WBP2NL: variants seen among roughly 807,000 people sequenced by gnomAD.
The protein encoded by WBP2NL is WBP2 N-terminal like, also known as postacrosomal sheath WW domain-binding protein.
In WBP2NL, 27 loss-of-function variants were observed where a neutral mutation model predicts 23.3. That is an observed-to-expected ratio of 1.16 (90% CI 0.85 to 1.60). The LOEUF (loss-of-function observed/expected upper bound fraction) is 1.60, where lower values mean the gene tolerates loss of function less well. WBP2NL is among the 40% of genes most tolerant of loss of function. WBP2NL has a pLI of 0.00. For missense variants in WBP2NL, 370 were observed against 389.5 expected, an observed-to-expected ratio of 0.95 and a Z score of 0.42; for synonymous variants, 151 against 145.9, an observed-to-expected ratio of 1.03 and a Z score of -0.25.
Position 42,019,437 on chromosome 22 carries a change from T to G in WBP2NL, c.171+18T>G. 6.2e-7 allele frequency: 1 copy of G among 1,602,568 alleles called. No individual in the cohort carries two copies. Among genetic ancestry groups the G allele is most frequent in the Non-Finnish European group, 8.5e-7 (1 of 1,172,218 alleles). On this transcript the variant is annotated intron_variant, in intron 2 of 5. Transcript: ENST00000328823. ...CATACCGGGTAATTTCTACTTCTAC[T>G]TTAATCTGCTGATTAACTCTACATT...
Position 42,021,707 on chromosome 22 carries a change from T to G in WBP2NL, c.407-542T>G, listed in dbSNP as rs532065201. Among the ~76,000 whole-genome samples the G allele has an allele frequency of 7.2e-5, 11 of 152,204 alleles. No homozygotes were observed. In the East Asian group the frequency reaches 2.1e-3, roughly 29 times the overall value. On this transcript the variant is annotated intron_variant, in intron 4 of 5. Transcript: ENST00000328823. ...ATTAGGTGCTATGCTAGGCCTGGAA[T>G]AAGCACAGGCAAATGAGATACAATC...
chr22:42,013,364 C>G (rs1344732839), intron 1 of WBP2NL, among the ~76,000 whole-genome samples: 2 of 119,004 alleles, frequency 1.7e-5, no homozygotes, highest in African/African-American at 3.2e-5. Flanking sequence ...CTAGCCTGGG[C>G]AACAAAAGTG....
intron 1 of WBP2NL, chr22:42,001,013 A>C (rs747583428): frequency 9.0e-5 from 55 of 612,906 alleles, no homozygotes; most frequent in Non-Finnish European, 1.5e-4. Flanking sequence ...AATGCTCAAG[A>C]TATGTCATAT....
chr22:42,016,370 A>G (rs989230414), intron 1 of WBP2NL, among the ~76,000 whole-genome samples: 2 of 152,204 alleles, frequency 1.3e-5, no homozygotes, highest in Admixed American at 6.5e-5. Context: ...CGGTCCTTCA[A>G]GGAGCCACCA....
intron 5 of WBP2NL, among the ~76,000 whole-genome samples, chr22:42,023,211 G>A (rs531814950): frequency 4.0e-4 from 61 of 150,630 alleles, no homozygotes; most frequent in South Asian, 8.3e-4. Context: ...TGGAGACAGA[G>A]TCTCACTTTG....
rs757263994 is a variant in WBP2NL at position 42,053,556 on chromosome 22, T to C, written c.*274-4734T>C. ...CTCACCACAACCTCCACCTCCCAGG[T>C]TCAAGCAGTTCTCCTGCCTCAGCCT... On this transcript the variant is annotated intron_variant and NMD_transcript_variant, in intron 8 of 8. Coordinates refer to the WBP2NL transcript ENST00000436265. 2.0e-5 allele frequency among the ~76,000 whole-genome samples: 3 copies of C among 151,766 alleles called. No homozygotes were observed. The East Asian group carries it at 5.8e-4, about 29-fold the overall frequency.
intron 1 of WBP2NL, chr22:42,002,029 G>C (rs1455134185): frequency 5.3e-6 from 3 of 570,504 alleles, no homozygotes; most frequent in Non-Finnish European, 5.6e-6. Flanking sequence ...TTGACTCCGG[G>C]GCTGATTGTG....
chr22:42,006,395 T>A (rs2413663), intron 1 of WBP2NL, among the ~76,000 whole-genome samples: 44,270 of 151,974 alleles, frequency 0.29, 6,943 homozygotes, highest in Admixed American at 0.37. Context: ...TAATTTTTTG[T>A]ATTTTTAGTA....
intron 1 of WBP2NL, among the ~76,000 whole-genome samples, chr22:42,005,263 C>T (rs1178178067): frequency 2.6e-5 from 4 of 151,990 alleles, no homozygotes; most frequent in Non-Finnish European, 5.9e-5. Flanking sequence ...CCTGTAATCC[C>T]AGCACTTTGG....
chr22:42,012,583 G>T (rs542964598), intron 1 of WBP2NL, among the ~76,000 whole-genome samples: 4 of 152,142 alleles, frequency 2.6e-5, no homozygotes, highest in South Asian at 4.1e-4. Context: ...AGCGTTTCTT[G>T]TATTTCAAAT....
At chr22:42,049,804 A>T (rs1209924085) in intron 8 of WBP2NL, among the ~76,000 whole-genome samples, 1 of 150,934 alleles carries the variant, frequency 6.6e-6, no homozygotes, top group Non-Finnish European at 1.5e-5. Context: ...AAAATAATTG[A>T]TAGGTTGAAT....
Position 42,045,422 on chromosome 22 carries a change from T to A in WBP2NL, c.*274-12868T>A, listed in dbSNP as rs549050050. The stretch of plus-strand genomic sequence containing the variant: ...TCCAGCCTGGGCGACAGAGCGAGAC[T>A]GTCTCAAAAACAAAACAAAAAACAA... On this transcript the variant is annotated intron_variant and NMD_transcript_variant, in intron 8 of 8. Coordinates refer to the WBP2NL transcript ENST00000436265. Among the ~76,000 whole-genome samples the A allele has an allele frequency of 4.6e-5, 7 of 152,216 alleles. No individual in the cohort carries two copies. In the South Asian group the frequency reaches 1.2e-3, roughly 27 times the overall value.
chr22:42,036,422 C>A (rs1925184723), downstream of WBP2NL, among the ~76,000 whole-genome samples: 1 of 152,198 alleles, frequency 6.6e-6, no homozygotes, highest in South Asian at 2.1e-4. Flanking sequence ...GATCTCCCCG[C>A]CTCGGCCTCC....
At chr22:42,049,705 CAAAAAAAAAAAAA>C (rs1158837575) in intron 8 of WBP2NL, among the ~76,000 whole-genome samples, 397 of 37,490 alleles carry the variant, frequency 0.011, 11 homozygotes, top group African/African-American at 0.035. Context: ...CAAAACAAAA[CAAAAAAAAAAAAA>C]AAAAAAAAAA....
intron 1 of WBP2NL, among the ~76,000 whole-genome samples, chr22:42,017,316 T>C (rs1569448874): frequency 1.3e-5 from 2 of 152,166 alleles, no homozygotes; most frequent in African/African-American, 4.8e-5. Flanking sequence ...GGTTTCACCA[T>C]GTTGGTCAAG....
intron 8 of WBP2NL, among the ~76,000 whole-genome samples, chr22:42,055,037 CTTTCT>C (rs1399563866): frequency 1.3e-5 from 2 of 152,156 alleles, no homozygotes; most frequent in South Asian, 2.1e-4. Flanking sequence ...TCCTCTTTTT[CTTTCT>C]TTTCTTTTTT....
At chr22:42,040,976 T>G (rs2146816329) in intron 8 of WBP2NL, among the ~76,000 whole-genome samples, 1 of 152,348 alleles carries the variant, frequency 6.6e-6, no homozygotes. Flanking sequence ...TGCCTGAATG[T>G]GCTATCCATT....
intron 1 of WBP2NL, among the ~76,000 whole-genome samples, chr22:42,018,915 GA>G (rs149512857): frequency 0.011 from 1,503 of 141,290 alleles, 11 homozygotes; most frequent in African/African-American, 0.024. Context: ...GCTTACTCTG[GA>G]AAAAAAAAAA....
At chr22:42,035,818 C>T (rs972648347), downstream of WBP2NL, among the ~76,000 whole-genome samples, 2 of 152,054 alleles carry the variant, frequency 1.3e-5, no homozygotes, top group African/African-American at 4.8e-5. Flanking sequence ...CCTCCATTTC[C>T]CCCTCTTCCC....
Sources: gnomAD v4.1 joint callset for allele counts (sites outside exome capture counted in the v4.1 genomes callset) on GRCh38, gnomAD v4.1.1 for gene constraint, MANE v1.5 for transcripts, NCBI Gene and HGNC (gene_info 2026-07-23, HGNC 2026-07-21) for gene names.